The following VPS13B variants were observed in gnomAD, a reference collection of about 807,000 sequenced individuals.
The protein encoded by VPS13B is intermembrane lipid transfer protein VPS13B.
VPS13B carries 285 observed loss-of-function variants against 426.4 expected under a neutral mutation model. The observed-to-expected ratio is 0.67, with a 90% CI of 0.61 to 0.74. VPS13B has a LOEUF of 0.74. Ranked by LOEUF, VPS13B falls within the 30% of genes least tolerant of loss-of-function variation. The pLI is 0.00. For missense variants in VPS13B, 4,537 were observed against 4,782.6 expected (o/e 0.95, Z 1.51); for synonymous variants, 1,676 against 1,676.4 (o/e 1.00, Z 0.01).
At chr8:99,270,131 C>CTTTTTTTTTT (rs71273170) in intron 17 of VPS13B, among the ~76,000 whole-genome samples, 810 of 30,306 alleles carry the variant, frequency 0.027, 336 homozygotes, top group African/African-American at 0.054. Context: ...ATATAAGAAT[C>CTTTTTTTTTT]TTTTTTTTTT....
At chr8:99,575,591 A>G (rs1055852525) in intron 31 of VPS13B, 67 bp from the exon 32 acceptor site, 43 of 1,598,904 alleles carry the variant, frequency 2.7e-5, no homozygotes, top group African/African-American at 4.0e-5. Context: ...AAAGACTTGT[A>G]CAAATTTAAT....
chr8:99,051,051 C>A (rs888472569), intron 3 of VPS13B, among the ~76,000 whole-genome samples: 16 of 152,058 alleles, frequency 1.1e-4, no homozygotes, highest in East Asian at 9.7e-4. Context: ...CCCATTTGTC[C>A]ATTTTGGCTT....
chr8:99,236,362 G>T (rs1218493062), intron 17 of VPS13B, among the ~76,000 whole-genome samples: 1 of 151,944 alleles, frequency 6.6e-6, no homozygotes, highest in Non-Finnish European at 1.5e-5. Context: ...CAATTCTCCT[G>T]ACTCAGTCTC....
At position 99,512,502 on chromosome 8, in the gene VPS13B, A is replaced by G. The variant is rs188732408; in HGVS notation, c.4633+990A>G. Among the ~76,000 whole-genome samples, 340 of 152,348 alleles carry G rather than the reference A, an allele frequency of 2.2e-3. 1 individual carries two copies. The highest frequency in any genetic ancestry group is 3.9e-3 in the Non-Finnish European group (268 of 68,028). ...CAGAAATCTACGTTTTTATACAGATAATTCCCTGAGGACTGTAGTTTCAGT... is the reference window on the plus strand; with the variant it reads ...CAGAAATCTACGTTTTTATACAGATGATTCCCTGAGGACTGTAGTTTCAGT... On this transcript the variant is annotated intron_variant, in intron 29 of 61. Transcript: ENST00000357162.
chr8:99,175,752 C>A (rs1439285837), intron 16 of VPS13B, among the ~76,000 whole-genome samples: 1 of 152,156 alleles, frequency 6.6e-6, no homozygotes, highest in Non-Finnish European at 1.5e-5. Context: ...GAGACCCTGT[C>A]TGTTTCAAAC....
chr8:99,678,266 C>T (rs918559330), intron 35 of VPS13B, among the ~76,000 whole-genome samples: 2 of 152,112 alleles, frequency 1.3e-5, no homozygotes, highest in African/African-American at 2.4e-5. Context: ...TATTTCAAGT[C>T]CTTCTACTTT....
At chr8:99,135,353 C>T (rs1810019751) in intron 10 of VPS13B, among the ~76,000 whole-genome samples, 1 of 152,064 alleles carries the variant, frequency 6.6e-6, no homozygotes, top group Non-Finnish European at 1.5e-5. Flanking sequence ...GTAGTTCCAA[C>T]TACTTTCTTA....
intron 26 of VPS13B, 21 bp downstream of exon 26, chr8:99,501,879 C>T: frequency 6.2e-7 from 1 of 1,611,440 alleles, no homozygotes; most frequent in Non-Finnish European, 8.5e-7. Context: ...CCTTTTCTTT[C>T]TTCCCTCCCT....
chr8:99,207,366 TAA>T (rs1156446164), intron 17 of VPS13B, among the ~76,000 whole-genome samples: 1 of 152,178 alleles, frequency 6.6e-6, no homozygotes, highest in African/African-American at 2.4e-5. Flanking sequence ...CTTAGAATGT[TAA>T]GTTATGCCTG....
intron 40 of VPS13B, among the ~76,000 whole-genome samples, chr8:99,770,551 T>G (rs1270353232): frequency 1.3e-5 from 2 of 152,148 alleles, no homozygotes; most frequent in African/African-American, 4.8e-5. Context: ...ACTGTCCCAA[T>G]CTTAGGCCAA....
At chr8:99,772,897 T>C (rs1282543703) in intron 40 of VPS13B, among the ~76,000 whole-genome samples, 1 of 152,056 alleles carries the variant, frequency 6.6e-6, no homozygotes, top group Admixed American at 6.6e-5. Context: ...GTTCATGCAG[T>C]GGGTAGGGGA....
rs994120094 is a variant in VPS13B at position 99,279,515 on chromosome 8, C to G, written c.2824+4261C>G. On this transcript the variant is annotated intron_variant, in intron 19 of 61. Coordinates refer to ENST00000357162, the MANE Select transcript of VPS13B (RefSeq NM_152564.5). ...CCTCACGTAATCCACCCGCCTTGGC[C>G]TCCCAAAGTGCTTGAGATTACAGGC... Among the ~76,000 whole-genome samples, 3 of 32,148 alleles carry G rather than the reference C, an allele frequency of 9.3e-5. No homozygotes were observed. The African/African-American group carries it at 1.3e-3, about 14-fold the overall frequency. 21.1% of individuals were successfully genotyped at this position (32,148 alleles called of 152,430 possible). A position where few individuals can be genotyped will look rare whatever the true frequency, so the allele number is the denominator to read the frequency against.
chr8:99,543,055 C>G (rs1017586998), intron 30 of VPS13B, among the ~76,000 whole-genome samples: 1 of 152,164 alleles, frequency 6.6e-6, no homozygotes, highest in Non-Finnish European at 1.5e-5. Flanking sequence ...TACCTGACTT[C>G]AAACTATACT....
intron 33 of VPS13B, among the ~76,000 whole-genome samples, chr8:99,622,083 A>C (rs551079352): frequency 6.6e-6 from 1 of 151,998 alleles, no homozygotes; most frequent in East Asian, 1.9e-4. Flanking sequence ...AGATGGTAGG[A>C]TATATCAATG....
At chr8:99,182,531 A>T (rs1812997200) in intron 16 of VPS13B, among the ~76,000 whole-genome samples, 1 of 152,176 alleles carries the variant, frequency 6.6e-6, no homozygotes, top group Admixed American at 6.5e-5. Context: ...AGAAAAAAGG[A>T]CTGAAAACAA....
intron 14 of VPS13B, among the ~76,000 whole-genome samples, chr8:99,155,126 T>C (rs919545342): frequency 1.3e-5 from 2 of 150,728 alleles, no homozygotes; most frequent in Non-Finnish European, 3.0e-5. Context: ...GGATACAGGT[T>C]TGAAGGAAAA....
At chr8:99,499,365 T>G (rs1412613950) in intron 25 of VPS13B, among the ~76,000 whole-genome samples, 1 of 152,264 alleles carries the variant, frequency 6.6e-6, no homozygotes, top group East Asian at 1.9e-4. Flanking sequence ...ACAGTTTTCT[T>G]AGCATTCTTA....
At chr8:99,824,083 T>C (rs1008607748) in intron 51 of VPS13B, 105 bp downstream of exon 51, 2 of 1,353,048 alleles carry the variant, frequency 1.5e-6, no homozygotes, top group Non-Finnish European at 2.1e-6. Flanking sequence ...ACCCTGAATG[T>C]AGGTAAAGAG....
chr8:99,296,278 G>A (rs1454804107), intron 19 of VPS13B, among the ~76,000 whole-genome samples: 5 of 152,166 alleles, frequency 3.3e-5, no homozygotes, highest in Non-Finnish European at 7.4e-5. Context: ...GGGCAAGGAT[G>A]TGAAGAGCAT....
Sources: gnomAD v4.1 joint callset for allele counts (sites outside exome capture counted in the v4.1 genomes callset) on GRCh38, gnomAD v4.1.1 for gene constraint, MANE v1.5 for transcripts, NCBI Gene and HGNC (gene_info 2026-07-23, HGNC 2026-07-21) for gene names.